The following BANK1 variants were observed in gnomAD, a reference collection of about 807,000 sequenced individuals.
The protein encoded by BANK1 is B cell scaffold protein with ankyrin repeats 1, also known as B-cell scaffold protein with ankyrin repeats.
BANK1 carries 95 observed loss-of-function variants against 94.5 expected under a neutral mutation model. The observed-to-expected ratio is 1.00, with a 90% CI of 0.85 to 1.19. The LOEUF (loss-of-function observed/expected upper bound fraction) is 1.19. Ranked by LOEUF, BANK1 falls within the 50% of genes most tolerant of loss-of-function variation. BANK1 has a pLI of 0.00. For synonymous variants in BANK1, 334 were observed against 308.4 expected, an observed-to-expected ratio of 1.08 and a Z score of -0.87; for missense variants, 987 against 932.2, an observed-to-expected ratio of 1.06 and a Z score of -0.77.
At chr4:102,022,005 A>G (rs547616224) in intron 8 of BANK1, among the ~76,000 whole-genome samples, 54 of 152,198 alleles carry the variant, frequency 3.5e-4, no homozygotes, top group African/African-American at 1.2e-3. Flanking sequence ...CTGTGATTCT[A>G]CATTCTAATG....
intron 11 of BANK1, among the ~76,000 whole-genome samples, chr4:102,049,864 T>C (rs968823300): frequency 6.6e-6 from 1 of 152,148 alleles, no homozygotes; most frequent in Non-Finnish European, 1.5e-5. Flanking sequence ...GGTATGTGAC[T>C]TTTCTCTAGG....
chr4:101,985,542 G>A (rs1410680798), intron 7 of BANK1, among the ~76,000 whole-genome samples: 1 of 151,746 alleles, frequency 6.6e-6, no homozygotes, highest in Non-Finnish European at 1.5e-5. Context: ...TTGGGTAAAG[G>A]GTGTTAAATT....
chr4:101,939,664 T>G (rs1723678960), intron 7 of BANK1, among the ~76,000 whole-genome samples: 1 of 151,646 alleles, frequency 6.6e-6, no homozygotes, highest in African/African-American at 2.4e-5. Context: ...TGGTCCCAGC[T>G]TAGCTACAAG....
At chr4:101,828,406 TATATCTCC>T (rs1726452159) in intron 1 of BANK1, among the ~76,000 whole-genome samples, 1 of 149,218 alleles carries the variant, frequency 6.7e-6, no homozygotes, top group Non-Finnish European at 1.5e-5. Context: ...TATATATATA[TATATCTCC>T]ATATATATCT....
chr4:102,029,402 A>C lies in BANK1; in HGVS notation c.1595-558A>C, dbSNP rs547955688. Among the ~76,000 whole-genome samples the C allele has an allele frequency of 1.4e-4, 22 of 152,000 alleles. No individual in the cohort carries two copies. The South Asian group carries it at 4.3e-3, about 30-fold the overall frequency. ...ACATGAAACAACTTCAAATGAAAAA[A>C]AAAATCTAAGAATATTATGCTTGAA... On this transcript the variant is annotated intron_variant, in intron 9 of 16. Transcript: ENST00000322953.
intron 7 of BANK1, among the ~76,000 whole-genome samples, chr4:102,007,341 A>C (rs1726340557): frequency 6.6e-6 from 1 of 150,820 alleles, no homozygotes; most frequent in Admixed American, 6.6e-5. Flanking sequence ...GCTTTGTGCT[A>C]GAGGAGTTAT....
At chr4:102,059,351 AG>A (rs1243844726) in intron 11 of BANK1, among the ~76,000 whole-genome samples, 1 of 152,212 alleles carries the variant, frequency 6.6e-6, no homozygotes, top group Non-Finnish European at 1.5e-5. Flanking sequence ...TAATACAAAA[AG>A]TATGTTGCAC....
intron 1 of BANK1, among the ~76,000 whole-genome samples, chr4:101,804,031 A>G (rs1725460668): frequency 7.5e-6 from 1 of 132,512 alleles, no homozygotes; most frequent in South Asian, 2.2e-4. Flanking sequence ...AAAAAGAAAT[A>G]TATAAAAAAA....
At chr4:101,884,774 A>G (rs1728788774) in intron 5 of BANK1, among the ~76,000 whole-genome samples, 2 of 152,166 alleles carry the variant, frequency 1.3e-5, no homozygotes, top group African/African-American at 4.8e-5. Context: ...AACAGTTCTA[A>G]CACTTTAGTC....
chr4:101,793,237 C>G (rs1725055979), intron 1 of BANK1, among the ~76,000 whole-genome samples: 1 of 152,196 alleles, frequency 6.6e-6, no homozygotes, highest in African/African-American at 2.4e-5. Context: ...TCTCTGCTCT[C>G]TAGCTTGAAG....
intron 2 of BANK1, among the ~76,000 whole-genome samples, chr4:101,850,453 T>G (rs1425414014): frequency 6.7e-6 from 1 of 148,616 alleles, no homozygotes; most frequent in African/African-American, 2.5e-5. Flanking sequence ...TTTTTTTTTT[T>G]GTATTTTTTG....
At position 101,898,811 on chromosome 4, in the gene BANK1, T is replaced by C. The variant is rs139370804; in HGVS notation, c.1009+3401T>C. On this transcript the variant is annotated intron_variant, in intron 6 of 16. Coordinates refer to ENST00000322953, the MANE Select transcript of BANK1 (RefSeq NM_017935.5). Reference sequence around the variant, plus strand: ...AGGTCTTGGTCATTTTTTATTCCTCTCTAGACAATACACTCATGTTTTCTT... The same window carrying C: ...AGGTCTTGGTCATTTTTTATTCCTCCCTAGACAATACACTCATGTTTTCTT... Among the ~76,000 whole-genome samples, 440 of 152,172 alleles carry C rather than the reference T, an allele frequency of 2.9e-3. 1 individual carries two copies. The highest frequency in any genetic ancestry group is 9.9e-3 in the African/African-American group (412 of 41,560).
At chr4:101,798,531 G>A (rs933747872) in intron 1 of BANK1, among the ~76,000 whole-genome samples, 2 of 152,152 alleles carry the variant, frequency 1.3e-5, no homozygotes, top group Non-Finnish European at 2.9e-5. Context: ...TTGAGGAATC[G>A]CCATACTATC....
intron 7 of BANK1, among the ~76,000 whole-genome samples, chr4:101,979,003 ACT>A (rs1725234802): frequency 2.0e-5 from 3 of 152,038 alleles, no homozygotes; most frequent in Non-Finnish European, 4.4e-5. Flanking sequence ...ATAACACATG[ACT>A]TTTGCATCTT....
intron 11 of BANK1, among the ~76,000 whole-genome samples, chr4:102,058,444 C>G (rs1394795682): frequency 2.0e-5 from 3 of 152,010 alleles, no homozygotes; most frequent in African/African-American, 7.2e-5. Context: ...TTCATACTAA[C>G]TCTTCTGAAG....
At chr4:102,054,898 C>T (rs2148961172) in intron 11 of BANK1, among the ~76,000 whole-genome samples, 1 of 152,124 alleles carries the variant, frequency 6.6e-6, no homozygotes, top group South Asian at 2.1e-4. Flanking sequence ...ATTTAGTCTT[C>T]TGCTTTTGGG....
chr4:101,942,350 C>G (rs1430808875), intron 7 of BANK1, among the ~76,000 whole-genome samples: 1 of 151,846 alleles, frequency 6.6e-6, no homozygotes, highest in South Asian at 2.1e-4. Flanking sequence ...TCTAATAAAC[C>G]ACAGAGCACA....
intron 7 of BANK1, among the ~76,000 whole-genome samples, chr4:101,986,899 G>GTGTGTGTGTATATATATATATA (rs1343197093): frequency 1.2e-5 from 1 of 82,668 alleles, no homozygotes. Context: ...GTGTGTGTGT[G>GTGTGTGTGTATATATATATATA]TATATATATA....
chr4:101,865,942 T>A (rs1352654026), intron 4 of BANK1, among the ~76,000 whole-genome samples: 1 of 152,122 alleles, frequency 6.6e-6, no homozygotes, highest in Non-Finnish European at 1.5e-5. Flanking sequence ...AAACATTAAA[T>A]ACAGTCCAAC....
Sources: gnomAD v4.1 joint callset for allele counts (sites outside exome capture counted in the v4.1 genomes callset) on GRCh38, gnomAD v4.1.1 for gene constraint, MANE v1.5 for transcripts, NCBI Gene and HGNC (gene_info 2026-07-23, HGNC 2026-07-21) for gene names.